Variants in RGS7 observed in about 807,000 individuals in gnomAD.
The protein encoded by RGS7 is regulator of G-protein signaling 7.
RGS7 carries 27 observed loss-of-function variants against 81.1 expected under a neutral mutation model. The ratio of observed to expected loss-of-function variants is 0.33; its 90% CI spans 0.25 to 0.46. The LOEUF (loss-of-function observed/expected upper bound fraction) is 0.46, where lower values mean the gene tolerates loss of function less well. Among genes scored for constraint, RGS7 ranks in the 20% least tolerant of loss-of-function variants. The pLI, the probability that RGS7 is intolerant of heterozygous loss-of-function variation, is 1.00. For missense variants in RGS7, 396 were observed against 607.4 expected (o/e 0.65, Z 3.66); for synonymous variants, 208 against 207.7 (o/e 1.00, Z -0.01).
intron 18 of RGS7, among the ~76,000 whole-genome samples, chr1:240,793,611 A>ATATATATATTT: frequency 1.3e-5 from 1 of 78,810 alleles, no homozygotes; most frequent in African/African-American, 9.7e-5. Flanking sequence ...ATATATATAT[A>ATATATATATTT]TTTTTTTTTT....
At chr1:241,344,718 G>A (rs75084192) in intron 2 of RGS7, among the ~76,000 whole-genome samples, 1,997 of 152,288 alleles carry the variant, frequency 0.013, 23 homozygotes, top group African/African-American at 0.014. Flanking sequence ...GAGAACCTAT[G>A]AAAAGAGGTA....
rs545743321 is a variant in RGS7, at chr1:240,878,304, C to T, written c.386-8185G>A. Among the ~76,000 whole-genome samples, 11 of 152,174 alleles carry T rather than the reference C, an allele frequency of 7.2e-5. No individual in the cohort carries two copies. In the East Asian group the frequency reaches 1.7e-3, roughly 24 times the overall value. Reference sequence around the variant, plus strand: ...CTCCCCCTATTCTTCTTCCCTCCACCGACCCACCAGAATGTCACCTCCACC... The same window carrying T: ...CTCCCCCTATTCTTCTTCCCTCCACTGACCCACCAGAATGTCACCTCCACC... On this transcript the variant is annotated intron_variant, in intron 6 of 18. Coordinates refer to ENST00000440928, the MANE Select transcript of RGS7 (RefSeq NM_001364886.1).
upstream of RGS7, chr1:241,357,214 C>G (rs897307879): frequency 2.0e-5 from 3 of 151,994 alleles, no homozygotes; most frequent in Non-Finnish European, 2.9e-5. Flanking sequence ...TCGAGACGCC[C>G]GGCCCGTGCG....
At chr1:241,056,818 G>C (rs775195018) in intron 3 of RGS7, among the ~76,000 whole-genome samples, 14 of 152,142 alleles carry the variant, frequency 9.2e-5, no homozygotes, top group Admixed American at 2.0e-4. Flanking sequence ...AATAGGCAGT[G>C]GTTTCTTTCA....
At chr1:240,835,668 G>A (rs1328977359) in intron 9 of RGS7, among the ~76,000 whole-genome samples, 6 of 152,120 alleles carry the variant, frequency 3.9e-5, no homozygotes, top group African/African-American at 1.2e-4. Context: ...CATAATTGCC[G>A]AAACTTCAAA....
chr1:241,114,350 TTTA>T (rs2102967390), intron 2 of RGS7, among the ~76,000 whole-genome samples: 1 of 152,232 alleles, frequency 6.6e-6, no homozygotes, highest in South Asian at 2.1e-4. Context: ...TCTCTCTCTT[TTTA>T]TTATAAAGCT....
In RGS7 at chr1:240,810,094, C is replaced by T. The variant is rs763643887; in HGVS notation, c.1082+1824G>A. ...TCCTGTTTTGATGGTTTATCTCCTCCCCATTGTCCAGCTCTTAGCCTAGAA... is the reference window on the plus strand; with the variant it reads ...TCCTGTTTTGATGGTTTATCTCCTCTCCATTGTCCAGCTCTTAGCCTAGAA... On this transcript the variant is annotated intron_variant, in intron 14 of 18. Coordinates refer to ENST00000440928, the MANE Select transcript of RGS7 (RefSeq NM_001364886.1). 5.2e-4 allele frequency among the ~76,000 whole-genome samples: 79 copies of T among 152,126 alleles called. 1 individual carries two copies. The highest frequency in any genetic ancestry group is 9.1e-4 in the Non-Finnish European group (62 of 68,028).
At chr1:240,954,606 T>G (rs892776903) in intron 4 of RGS7, among the ~76,000 whole-genome samples, 1 of 151,828 alleles carries the variant, frequency 6.6e-6, no homozygotes, top group African/African-American at 2.4e-5. Flanking sequence ...CTTTCTCAAC[T>G]TGATGAAAAC....
chr1:241,096,431 C>T (rs555113386), intron 3 of RGS7, among the ~76,000 whole-genome samples: 1 of 152,146 alleles, frequency 6.6e-6, no homozygotes, highest in Non-Finnish European at 1.5e-5. Flanking sequence ...GATATACCAA[C>T]TAAATCCACG....
chr1:241,190,211 A>G (rs532976557), intron 2 of RGS7, among the ~76,000 whole-genome samples: 4 of 152,300 alleles, frequency 2.6e-5, no homozygotes, highest in Non-Finnish European at 4.4e-5. Flanking sequence ...TGTTCCACTG[A>G]TAATCTTGAT....
intron 6 of RGS7, among the ~76,000 whole-genome samples, chr1:240,913,827 T>TA (rs1460096954): frequency 3.3e-5 from 5 of 152,132 alleles, no homozygotes; most frequent in Admixed American, 2.6e-4. Flanking sequence ...TCTGTTAAAT[T>TA]AACAATAAGA....
chr1:241,008,912 C>CAAAAA (rs33916247), intron 3 of RGS7, among the ~76,000 whole-genome samples: 101 of 77,846 alleles, frequency 1.3e-3, no homozygotes, highest in Non-Finnish European at 1.6e-3. Context: ...ACTCTGTCTC[C>CAAAAA]AAAAAAAAAA....
At chr1:240,969,386 T>C (rs960398515) in intron 4 of RGS7, among the ~76,000 whole-genome samples, 8 of 152,228 alleles carry the variant, frequency 5.3e-5, no homozygotes, top group Admixed American at 1.3e-4. Flanking sequence ...CCATTTGGTC[T>C]GTGTAGCCAT....
intron 6 of RGS7, among the ~76,000 whole-genome samples, chr1:240,906,016 C>T (rs1670755752): frequency 1.3e-5 from 2 of 152,182 alleles, no homozygotes; most frequent in Admixed American, 6.5e-5. Flanking sequence ...CCATCTCATA[C>T]CATCTGCCCG....
At chr1:241,256,690 G>A (rs370870358) in intron 2 of RGS7, among the ~76,000 whole-genome samples, 4 of 152,144 alleles carry the variant, frequency 2.6e-5, no homozygotes, top group African/African-American at 9.6e-5. Context: ...TTCACGTGGT[G>A]GAGAGCACAG....
chr1:241,154,749 G>A (rs1701872366), intron 2 of RGS7, among the ~76,000 whole-genome samples: 1 of 152,294 alleles, frequency 6.6e-6, no homozygotes, highest in Middle Eastern at 3.4e-3. Context: ...TGGATGACAA[G>A]GGCAAAGAGG....
At chr1:241,099,197 C>T (rs549353757) in intron 2 of RGS7, among the ~76,000 whole-genome samples, 59 of 152,254 alleles carry the variant, frequency 3.9e-4, no homozygotes, top group African/African-American at 1.3e-3. Flanking sequence ...AGAGAATTTC[C>T]GTGATTTTGT....
At chr1:240,860,410 TTATTA>T (rs1164563753) in intron 9 of RGS7, among the ~76,000 whole-genome samples, 1 of 152,200 alleles carries the variant, frequency 6.6e-6, no homozygotes, top group African/African-American at 2.4e-5. Flanking sequence ...ACATCAAATA[TTATTA>T]TGTCTTTATG....
At chr1:241,059,055 C>T (rs1036698397) in intron 3 of RGS7, among the ~76,000 whole-genome samples, 4 of 152,316 alleles carry the variant, frequency 2.6e-5, no homozygotes, top group African/African-American at 9.6e-5. Context: ...ATATTGTTAA[C>T]TATCCCCTCT....
Sources: gnomAD v4.1 joint callset for allele counts (sites outside exome capture counted in the v4.1 genomes callset) on GRCh38, gnomAD v4.1.1 for gene constraint, MANE v1.5 for transcripts, NCBI Gene and HGNC (gene_info 2026-07-23, HGNC 2026-07-21) for gene names.